Variants in AFF2 observed in about 807,000 individuals in gnomAD.
The protein encoded by AFF2 is ALF transcription elongation factor 2.
A neutral mutation model predicts 76.9 loss-of-function variants in AFF2; 14 were observed. The observed-to-expected ratio is 0.18, with a 90% confidence interval of 0.12 to 0.28. AFF2 has a LOEUF of 0.28. Among genes scored for constraint, AFF2 ranks in the 10% least tolerant of loss-of-function variants. The pLI is 1.00. For synonymous variants in AFF2, 398 were observed against 366.7 expected, an observed-to-expected ratio of 1.09 and a Z score of -0.98; for missense variants, 868 against 1,001.1, an observed-to-expected ratio of 0.87 and a Z score of 1.79.
chrX:148,553,597 G>C (rs2053019138), intron 1 of AFF2, among the ~76,000 whole-genome samples: 1 of 111,737 alleles, frequency 8.9e-6, no homozygotes, highest in African/African-American at 3.3e-5. Context: ...GGAACAGAGA[G>C]CTGTCCTTGG....
At chrX:148,790,440 A>C (rs2069876693) in intron 3 of AFF2, among the ~76,000 whole-genome samples, 1 of 111,783 alleles carries the variant, frequency 8.9e-6, no homozygotes, top group South Asian at 3.8e-4. Flanking sequence ...AATCAACCCA[A>C]ATGCCCATCA....
intron 1 of AFF2, among the ~76,000 whole-genome samples, chrX:148,596,878 A>G (rs1557247386): frequency 1.8e-5 from 2 of 112,002 alleles, no homozygotes. Context: ...TCCTCAGGGG[A>G]TGTGATATAT....
intron 1 of AFF2, among the ~76,000 whole-genome samples, chrX:148,521,503 G>A (rs868921699): frequency 1.8e-5 from 2 of 110,501 alleles, no homozygotes; most frequent in African/African-American, 6.6e-5. Flanking sequence ...AGCACATTTC[G>A]TAGGAGGTAG....
At chrX:148,768,126 A>C in intron 3 of AFF2, among the ~76,000 whole-genome samples, 1 of 107,833 alleles carries the variant, frequency 9.3e-6, no homozygotes, top group Middle Eastern at 4.7e-3. Context: ...CCTACGAGAG[A>C]CTGATCAAAT....
intron 1 of AFF2, among the ~76,000 whole-genome samples, chrX:148,608,960 C>T (rs2124399224): frequency 9.0e-6 from 1 of 111,681 alleles, no homozygotes; most frequent in East Asian, 2.8e-4. Flanking sequence ...CTGAGGGTAA[C>T]ATTTGAATTC....
At chrX:148,550,373 C>A (rs2052976199) in intron 1 of AFF2, among the ~76,000 whole-genome samples, 1 of 111,728 alleles carries the variant, frequency 9.0e-6, no homozygotes, top group Non-Finnish European at 1.9e-5. Context: ...CAGAGAATTG[C>A]ATCAGATTTG....
At chrX:148,980,667 CATCT>C in intron 18 of AFF2, 67 bp from the exon 19 acceptor site, 1 of 872,154 alleles carries the variant, frequency 1.1e-6, no homozygotes. Flanking sequence ...ATCACACTTC[CATCT>C]GTTTCTGAAT....
chrX:148,785,498 C>G (rs1414773027), intron 3 of AFF2, among the ~76,000 whole-genome samples: 1 of 111,893 alleles, frequency 8.9e-6, no homozygotes, highest in African/African-American at 3.3e-5. Context: ...TTAGTAACAG[C>G]CTTCCTGGCT....
In AFF2 at chrX:148,984,069, A is replaced by C. The variant is rs187066447; in HGVS notation, c.3623+3279A>C. Among the ~76,000 whole-genome samples, 3 of 109,776 alleles carry C rather than the reference A, an allele frequency of 2.7e-5. No homozygotes were observed. In the East Asian group the frequency reaches 8.6e-4, roughly 31 times the overall value. On this transcript the variant is annotated intron_variant, in intron 19 of 20. Coordinates refer to ENST00000370460, the MANE Select transcript of AFF2 (RefSeq NM_002025.4). ...TGTCATGGAGAAAACTGAAACAAGG[A>C]AGGCAGGCAGAAAGGGCTGCTGAGG...
chrX:148,769,555 C>T (rs2069560759), intron 3 of AFF2, among the ~76,000 whole-genome samples: 1 of 111,576 alleles, frequency 9.0e-6, no homozygotes, highest in African/African-American at 3.3e-5. Context: ...AAATGTAGAG[C>T]CATTTCTTAG....
chrX:148,533,419 A>C (rs966187226), intron 1 of AFF2, among the ~76,000 whole-genome samples: 2 of 109,637 alleles, frequency 1.8e-5, no homozygotes, highest in Non-Finnish European at 3.8e-5. Context: ...CAGCCTCCCG[A>C]GTAGCTGGGA....
At chrX:148,747,147 A>G (rs1188822010) in intron 3 of AFF2, among the ~76,000 whole-genome samples, 1 of 111,821 alleles carries the variant, frequency 8.9e-6, no homozygotes, top group Non-Finnish European at 1.9e-5. Flanking sequence ...AAGACTCCTC[A>G]TGAACTCCTA....
At chrX:148,708,371 G>A (rs1295886339) in intron 3 of AFF2, among the ~76,000 whole-genome samples, 1 of 111,787 alleles carries the variant, frequency 8.9e-6, no homozygotes, top group Non-Finnish European at 1.9e-5. Context: ...TGTGGTCTAA[G>A]TGAAAGGTAA....
At chrX:148,522,603 A>G (rs1053392542) in intron 1 of AFF2, among the ~76,000 whole-genome samples, 5 of 111,844 alleles carry the variant, frequency 4.5e-5, no homozygotes, top group African/African-American at 1.6e-4. Flanking sequence ...TAAATTTTAA[A>G]TGCTCATCGG....
chrX:148,738,594 A>AT (rs1238994298), intron 3 of AFF2, among the ~76,000 whole-genome samples: 3 of 110,065 alleles, frequency 2.7e-5, no homozygotes, highest in African/African-American at 6.6e-5. Flanking sequence ...TATCTTTTGA[A>AT]TTTTTTTTTG....
chrX:148,741,067 G>A (rs1188143721), intron 3 of AFF2, among the ~76,000 whole-genome samples: 9 of 111,642 alleles, frequency 8.1e-5, no homozygotes, highest in African/African-American at 2.9e-4. Context: ...GGGTGCAATG[G>A]ACTCTGTGAG....
Position 148,592,819 on chromosome X carries a change from C to T in AFF2, c.48-59180C>T, listed in dbSNP as rs1603252913. Among the ~76,000 whole-genome samples, 3 of 112,123 alleles carry T rather than the reference C, an allele frequency of 2.7e-5. No individual in the cohort carries two copies. The Admixed American group carries it at 2.8e-4, about 11-fold the overall frequency. ...AAGTGCCTCATCAGCAGGGAGTCAGCTCTATAACCTCCCAGCTGAGCCCAG... is the reference window on the plus strand; with the variant it reads ...AAGTGCCTCATCAGCAGGGAGTCAGTTCTATAACCTCCCAGCTGAGCCCAG... On this transcript the variant is annotated intron_variant, in intron 1 of 20. Transcript: ENST00000370460.
chrX:148,934,140 A>G (rs1557284733), intron 9 of AFF2, among the ~76,000 whole-genome samples: 1 of 112,811 alleles, frequency 8.9e-6, no homozygotes, highest in African/African-American at 3.2e-5. Context: ...TCAGTCAAAT[A>G]CCTGGTTTGT....
rs1310584738 is a variant in AFF2, at chrX:148,994,083, A to C, written c.*2751A>C. 1.5e-4 allele frequency: 17 copies of C among 111,353 alleles called. 1 individual carries two copies. The Admixed American group carries it at 1.6e-3, about 11-fold the overall frequency. 9.2% of individuals were successfully genotyped at this position (111,353 alleles called of 1,213,427 possible). A position where few individuals can be genotyped will look rare whatever the true frequency, so the allele number is the denominator to read the frequency against. On this transcript the variant is annotated 3_prime_UTR_variant, in exon 21 of 21. Coordinates refer to ENST00000370460, the MANE Select transcript of AFF2 (RefSeq NM_002025.4). ...AGATCGTGCCTCTAGATCTTGATGGAGGCTTGGTGAGACACACTTAAATAA... is the reference window on the plus strand; with the variant it reads ...AGATCGTGCCTCTAGATCTTGATGGCGGCTTGGTGAGACACACTTAAATAA...
Sources: gnomAD v4.1 joint callset for allele counts (sites outside exome capture counted in the v4.1 genomes callset) on GRCh38, gnomAD v4.1.1 for gene constraint, MANE v1.5 for transcripts, NCBI Gene and HGNC (gene_info 2026-07-23, HGNC 2026-07-21) for gene names.